BMP4: variants seen among roughly 807,000 people sequenced by gnomAD.
The protein encoded by BMP4 is bone morphogenetic protein 4, also known as bone morphogenetic protein 2B.
In BMP4, 3 loss-of-function variants were observed where a neutral mutation model predicts 29.6. That is an observed-to-expected ratio of 0.10 (90% confidence interval 0.05 to 0.26). The LOEUF (loss-of-function observed/expected upper bound fraction) is 0.26. Among genes scored for constraint, BMP4 ranks in the 10% least tolerant of loss-of-function variants. The pLI is 1.00. For missense variants in BMP4, 455 were observed against 550.2 expected, an observed-to-expected ratio of 0.83 and a Z score of 1.73; for synonymous variants, 197 against 213.2, an observed-to-expected ratio of 0.92 and a Z score of 0.66.
intron 1 of BMP4, among the ~76,000 whole-genome samples, chr14:53,956,261 T>G (rs1056919266): frequency 1.3e-5 from 2 of 151,998 alleles, no homozygotes; most frequent in Admixed American, 6.6e-5. Flanking sequence ...GACCCCACAG[T>G]TTTTCCCAAC....
chr14:53,950,463 C>T lies in BMP4; in HGVS notation c.796G>A (p.Ala266Thr). 2 of 1,613,996 alleles carry T rather than the reference C, an allele frequency of 1.2e-6. No individual in the cohort carries two copies. The highest frequency in any genetic ancestry group is 1.7e-6 in the Non-Finnish European group (2 of 1,180,044). Residue 266 changes from alanine to threonine, a missense_variant, in exon 4 of 4, where the codon GCC becomes ACC. Ala to Thr is a moderately conservative substitution (Grantham distance 58). Transcript: ENST00000245451. This position sits in a 1 kb window ranked among gnomAD's most constrained non-coding sequence, Gnocchi z 5.4. ...RSLPQGSGNW[A>T]QLRPLLVTFG... ...GTGACCAGGAGGGGCCGGAGCTGGG[C>T]CCAATTCCCACTCCCTTGAGGTAAC...
At chr14:53,956,868 C>T (rs1895741652), upstream of BMP4, 3 of 390,654 alleles carry the variant, frequency 7.7e-6, no homozygotes, top group Admixed American at 8.9e-5. Context: ...TTCCTTCCTC[C>T]TCCTCTTCCC....
Position 53,953,405 on chromosome 14 carries a change from A to T in BMP4, c.-132-5T>A. 1 of 399,018 alleles carries T rather than the reference A, an allele frequency of 2.5e-6. No homozygotes were observed. The highest frequency in any genetic ancestry group is 4.4e-6 in the Non-Finnish European group (1 of 226,064). The allele number at this position is 399,018 out of a possible 1,614,324, so 24.7% of individuals were successfully genotyped here. Reference sequence around the variant, plus strand: ...GATGGCACTACGGAATGGCTCCTAAAAGGAATATTTGAATATAATGAGACT... The same window carrying T: ...GATGGCACTACGGAATGGCTCCTAATAGGAATATTTGAATATAATGAGACT... On this transcript the variant is annotated splice_polypyrimidine_tract_variant and splice_region_variant and intron_variant, in intron 1 of 3. Coordinates refer to ENST00000245451, the MANE Select transcript of BMP4 (RefSeq NM_001202.6).
rs1332872933 is a variant in BMP4 at position 53,950,138 on chromosome 14, A to G, written c.1121T>C (p.Val374Ala). The part of the protein sequence containing the change: ...VNSSIPKACC[V>A]PTELSAISML... ...GGAGATGGCACTCAGTTCAGTGGGC[A>G]CACAACAGGCTTTGGGGATACTGGA... Residue 374 changes from valine to alanine, a missense_variant, in exon 4 of 4, where the codon GTG becomes GCG. Transcript: ENST00000245451. The surrounding 1 kb of genome is among the most constrained non-coding windows in gnomAD (Gnocchi z 5.4). 1.9e-6 allele frequency: 3 copies of G among 1,614,092 alleles called. No homozygotes were observed. Among genetic ancestry groups the G allele is most frequent in the Non-Finnish European group, 2.5e-6 (3 of 1,180,044 alleles).
chr14:53,950,327 T>A lies in BMP4; in HGVS notation c.932A>T (p.His311Leu), dbSNP rs748992658. The change falls in exon 4 of 4, where the codon CAC becomes CTC. Residue 311 changes from histidine (H) to leucine (L), a missense_variant. Around this residue, in one of 4 missense-constraint regions of BMP4, gnomAD observed 154 missense variants for 156.8 expected, o/e 0.98. Transcript: ENST00000245451. The surrounding 1 kb of genome is among the most constrained non-coding windows in gnomAD (Gnocchi z 5.4). Reference sequence around the variant, plus strand: ...ATCGCTGAAGTCCACATAGAGCGAGTGGCGCCGGCAGTTCTTATTCTTCTT... The same window carrying A: ...ATCGCTGAAGTCCACATAGAGCGAGAGGCGCCGGCAGTTCTTATTCTTCTT... The part of the protein sequence containing the change: ...ARKKNKNCRR[H>L]SLYVDFSDVG... 1.9e-6 allele frequency: 3 copies of A among 1,614,072 alleles called. No homozygotes were observed. Among genetic ancestry groups the A allele is most frequent in the South Asian group, 2.2e-5 (2 of 91,072 alleles).
intron 2 of BMP4, among the ~76,000 whole-genome samples, chr14:53,952,620 C>T (rs1025869618): frequency 6.6e-6 from 1 of 152,090 alleles, no homozygotes; most frequent in Non-Finnish European, 1.5e-5. Context: ...ATTAAAATGG[C>T]ATTGCTCTCC....
Position 53,955,251 on chromosome 14 carries a change from G to C in BMP4, c.-133+1299C>G, listed in dbSNP as rs1275387593. Among the ~76,000 whole-genome samples, 1 of 152,152 alleles carries C rather than the reference G, an allele frequency of 6.6e-6. No homozygotes were observed. The highest frequency in any genetic ancestry group is 2.4e-5 in the African/African-American group (1 of 41,414). ...GCAGACGGAGGCAAGCTGTGCCCGCGGGGCAAAGGGACAGTAGAAGGGGCG... is the reference window on the plus strand; with the variant it reads ...GCAGACGGAGGCAAGCTGTGCCCGCCGGGCAAAGGGACAGTAGAAGGGGCG... On this transcript the variant is annotated intron_variant, in intron 1 of 3. Coordinates refer to ENST00000245451, the MANE Select transcript of BMP4 (RefSeq NM_001202.6). This position sits in a 1 kb window ranked among gnomAD's most constrained non-coding sequence, Gnocchi z 4.0.
chr14:53,953,796 T>C (rs1895584417), intron 1 of BMP4, among the ~76,000 whole-genome samples: 1 of 151,584 alleles, frequency 6.6e-6, no homozygotes, highest in African/African-American at 2.4e-5. Flanking sequence ...GGACTGCGTC[T>C]CCCAGCTCGA....
rs550226363 is a variant in BMP4, at chr14:53,950,402, C to A, written c.857G>T (p.Arg286Leu). 2 of 1,613,558 alleles carry A rather than the reference C, an allele frequency of 1.2e-6. No homozygotes were observed. Among genetic ancestry groups the A allele is most frequent in the African/African-American group, 2.7e-5 (2 of 74,936 alleles). ...AGGGCTACGCTTGGCCCTCCGGCGT[C>A]GGGTCAAGGCATGGCCCCGGCCATC... ...GHDGRGHALTRRRRAKRSPKH... is the reference protein window; with the variant it reads ...GHDGRGHALTLRRRAKRSPKH... Residue 286 changes from arginine (R) to leucine (L), a missense_variant, in exon 4 of 4, where the codon CGA (arginine) becomes CTA (leucine). By Grantham distance (102) the Arg-to-Leu change is moderately radical (BLOSUM62 -2). Transcript: ENST00000245451. The surrounding 1 kb of genome is among the most constrained non-coding windows in gnomAD (Gnocchi z 5.4).
Position 53,956,683 on chromosome 14 carries a change from G to A in BMP4, c.-266C>T, listed in dbSNP as rs1010279801. On this transcript the variant is annotated 5_prime_UTR_variant, in exon 1 of 4. Transcript: ENST00000245451. ...TAGCTTGGACGGGAATCCCATCGGG[G>A]AGACAAGCTAGATACTCAGCCGGAG... The A allele has an allele frequency of 5.0e-6, 2 of 399,054 alleles. No homozygotes were observed. The highest frequency in any genetic ancestry group is 4.1e-5 in the African/African-American group (2 of 48,614). The allele number at this position is 399,054 out of a possible 1,614,324, so 24.7% of individuals were successfully genotyped here.
At chr14:53,951,006 G>A in intron 3 of BMP4, 118 bp from the exon 4 acceptor site, 1 of 1,395,404 alleles carries the variant, frequency 7.2e-7, no homozygotes, top group East Asian at 2.3e-5. Flanking sequence ...CTTATGCAGG[G>A]GAAACCTACT....
rs887537339 is a variant in BMP4 at position 53,951,324 on chromosome 14, G to A, written c.371-436C>T. The A allele has an allele frequency of 4.2e-5, 10 of 240,344 alleles. No homozygotes were observed. In the East Asian group the frequency reaches 1.1e-3, roughly 26 times the overall value. The allele number at this position is 240,344 out of a possible 1,614,324, so 14.9% of individuals were successfully genotyped here. A position where few individuals can be genotyped will look rare whatever the true frequency, so the allele number is the denominator to read the frequency against. On this transcript the variant is annotated intron_variant, in intron 3 of 3. Transcript: ENST00000245451. ...ACCACCCTCTCCCTCTTCCACTATTGAGTATGTTACTAAACATTTCCCCAG... is the reference window on the plus strand; with the variant it reads ...ACCACCCTCTCCCTCTTCCACTATTAAGTATGTTACTAAACATTTCCCCAG...
In BMP4 at chr14:53,950,934, T is replaced by C; in HGVS notation, c.371-46A>G. 6.3e-7 allele frequency: 1 copy of C among 1,597,616 alleles called. No homozygotes were observed. On this transcript the variant is annotated intron_variant, in intron 3 of 3. Coordinates refer to ENST00000245451, the MANE Select transcript of BMP4 (RefSeq NM_001202.6). The surrounding 1 kb of genome is among the most constrained non-coding windows in gnomAD (Gnocchi z 5.4). The stretch of plus-strand genomic sequence containing the variant: ...AGGGGAAAAGAAAAAGCATATGAAC[T>C]TTTTTCAAAGATGGAAGAGTCAAGA...
rs1352713791 is a variant in BMP4, at chr14:53,950,282, A to G, written c.977T>C (p.Ile326Thr). 6.2e-7 allele frequency: 1 copy of G among 1,614,120 alleles called. No individual in the cohort carries two copies. The highest frequency in any genetic ancestry group is 8.5e-7 in the Non-Finnish European group (1 of 1,180,036). ...GGCCTGGTAGCCTGGTGGGGCCACA[A>G]TCCAGTCATTCCAGCCCACATCGCT... ...DFSDVGWNDW[I>T]VAPPGYQAFY... Residue 326 changes from isoleucine to threonine, a missense_variant, in exon 4 of 4, where the codon ATT becomes ACT. Ile to Thr is a moderately conservative substitution (Grantham distance 89). Transcript: ENST00000245451. The surrounding 1 kb of genome is among the most constrained non-coding windows in gnomAD (Gnocchi z 5.4).
rs1895727128 is a variant in BMP4, at chr14:53,956,560, T to C, written c.-143A>G. The C allele has an allele frequency of 2.5e-6, 1 of 399,380 alleles. No individual in the cohort carries two copies. Among genetic ancestry groups the C allele is most frequent in the Non-Finnish European group, 4.4e-6 (1 of 226,366 alleles). 24.7% of individuals were successfully genotyped at this position (399,380 alleles called of 1,614,324 possible). A position where few individuals can be genotyped will look rare whatever the true frequency, so the allele number is the denominator to read the frequency against. On this transcript the variant is annotated 5_prime_UTR_variant, in exon 1 of 4. Coordinates refer to ENST00000245451, the MANE Select transcript of BMP4 (RefSeq NM_001202.6). ...GGTAGCCTTGCTCACCATAGGTCCC[T>C]GCAGTAGCGGGCTCGCCAGCAGCAG...
rs373023560 is a variant in BMP4 at position 53,950,592 on chromosome 14, G to A, written c.667C>T (p.Arg223Cys). The A allele has an allele frequency of 1.2e-6, 2 of 1,614,244 alleles. No individual in the cohort carries two copies. Among genetic ancestry groups the A allele is most frequent in the East Asian group, 4.5e-5 (2 of 44,882 alleles). The change falls in exon 4 of 4, where the codon CGC becomes TGC. Residue 223 changes from arginine to cysteine, a missense_variant. Physicochemically the swap from Arg to Cys is radical, Grantham distance 180. Transcript: ENST00000245451. The surrounding 1 kb of genome is among the most constrained non-coding windows in gnomAD (Gnocchi z 5.4). ...ETFDVSPAVL[R>C]WTREKQPNYG... ...TTTGGCTGCTTCTCCCGGGTCCAGC[G>A]AAGGACCGCAGGGCTCACATCAAAA...
intron 2 of BMP4, 121 bp from the exon 3 acceptor site, chr14:53,952,350 G>T: frequency 8.0e-7 from 1 of 1,248,942 alleles, no homozygotes; most frequent in Non-Finnish European, 1.1e-6. Flanking sequence ...ATGGAAAGCA[G>T]GTCAGAAAGA....
At chr14:53,953,870 CGA>C (rs1264443703) in intron 1 of BMP4, among the ~76,000 whole-genome samples, 4 of 151,858 alleles carry the variant, frequency 2.6e-5, no homozygotes, top group African/African-American at 9.7e-5. Context: ...GCCTCACCAC[CGA>C]GAGGCACTTA....
At chr14:53,952,947 C>T (rs1315600881) in intron 2 of BMP4, among the ~76,000 whole-genome samples, 1 of 152,154 alleles carries the variant, frequency 6.6e-6, no homozygotes, top group East Asian at 1.9e-4. Flanking sequence ...GAACGCGCCA[C>T]GGAGACACTG....
Sources: allele counts gnomAD v4.1 joint callset (sites outside exome capture counted in the v4.1 genomes callset), GRCh38; gene constraint gnomAD v4.1.1; regional missense constraint gnomAD v4.1.1; non-coding constraint Gnocchi (gnomAD v3.1); transcripts MANE v1.5; gene names NCBI Gene and HGNC (gene_info 2026-07-23, HGNC 2026-07-21).